The following ANO2 variants were observed in gnomAD, a reference collection of about 807,000 sequenced individuals.
ANO2 encodes the protein anoctamin-2.
A neutral mutation model predicts 124.2 loss-of-function variants in ANO2; 101 were observed. The ratio of observed to expected loss-of-function variants is 0.81; its 90% CI spans 0.69 to 0.96. The LOEUF (loss-of-function observed/expected upper bound fraction) is 0.96, where lower values mean the gene tolerates loss of function less well. Ranked by LOEUF, ANO2 falls within the 40% of genes least tolerant of loss-of-function variation. The pLI, the probability that ANO2 is intolerant of heterozygous loss-of-function variation, is 0.00. For synonymous variants in ANO2, 486 were observed against 482.5 expected (o/e 1.01, Z -0.09); for missense variants, 1,293 against 1,274.5 (o/e 1.01, Z -0.22).
rs1555182918 is a variant in ANO2 at position 5,914,206 on chromosome 12, G to GGA, written c.534+6833_534+6834insTC. Among the ~76,000 whole-genome samples the GGA allele has an allele frequency of 3.1e-4, 46 of 150,654 alleles. No homozygotes were observed. In the South Asian group the frequency reaches 9.2e-3, roughly 30 times the overall value. ...CAGAGTGAGACTCCATCTCAAAAAA[G>GGA]AAAAAAAGAAAAAAGAAAGTGAGGC... On this transcript the variant is annotated intron_variant, in intron 3 of 24. Transcript: ENST00000682330.
At chr12:5,860,160 A>G (rs571277818) in intron 3 of ANO2, among the ~76,000 whole-genome samples, 3 of 151,810 alleles carry the variant, frequency 2.0e-5, no homozygotes, top group Non-Finnish European at 4.4e-5. Flanking sequence ...CTATCCCTCC[A>G]TTGCAAAGCT....
intron 19 of ANO2, among the ~76,000 whole-genome samples, chr12:5,604,608 C>T (rs1944118134): frequency 1.3e-5 from 2 of 152,102 alleles, no homozygotes; most frequent in Non-Finnish European, 2.9e-5. Flanking sequence ...GACACAGGGG[C>T]TACGGGAGGG....
chr12:5,811,619 C>G (rs1953392664), intron 7 of ANO2, among the ~76,000 whole-genome samples: 1 of 152,176 alleles, frequency 6.6e-6, no homozygotes, highest in African/African-American at 2.4e-5. Context: ...TATGAAGGAG[C>G]AAGAAAGGTG....
intron 3 of ANO2, among the ~76,000 whole-genome samples, chr12:5,893,620 C>T (rs773973666): frequency 6.6e-5 from 10 of 151,856 alleles, no homozygotes; most frequent in Non-Finnish European, 1.0e-4. Flanking sequence ...AGGTATTTCG[C>T]CTAATGCTAT....
At chr12:5,752,272 T>A (rs1951462221) in intron 10 of ANO2, among the ~76,000 whole-genome samples, 1 of 152,210 alleles carries the variant, frequency 6.6e-6, no homozygotes, top group Non-Finnish European at 1.5e-5. Context: ...TAATTATATT[T>A]TAATTTTTTG....
chr12:5,825,248 C>A (rs886115486), intron 7 of ANO2, among the ~76,000 whole-genome samples: 4 of 152,182 alleles, frequency 2.6e-5, no homozygotes, highest in African/African-American at 9.7e-5. Context: ...GCTGGATTGA[C>A]AGAATGGTGG....
At chr12:5,692,755 G>C (rs1948997575) in intron 14 of ANO2, among the ~76,000 whole-genome samples, 1 of 152,192 alleles carries the variant, frequency 6.6e-6, no homozygotes, top group Non-Finnish European at 1.5e-5. Flanking sequence ...ATGGCACGAA[G>C]CTGTCCCCTG....
rs1430764713 is a variant in ANO2, at chr12:5,945,245, C to T, written c.-28G>A. 1 of 1,284,586 alleles carries T rather than the reference C, an allele frequency of 7.8e-7. No homozygotes were observed. Among genetic ancestry groups the T allele is most frequent in the Non-Finnish European group, 1.0e-6 (1 of 986,042 alleles). The allele number at this position is 1,284,586 out of a possible 1,614,324, so 79.6% of individuals were successfully genotyped here. The stretch of plus-strand genomic sequence containing the variant: ...TGTGGACGCAGACCCCGCCGGCCCG[C>T]GGCCGCGCGCTTCTGGGCAGGCTTA... On this transcript the variant is annotated 5_prime_UTR_variant, in exon 1 of 25. Coordinates refer to ENST00000682330, the MANE Select transcript of ANO2 (RefSeq NM_001364791.2).
intron 20 of ANO2, among the ~76,000 whole-genome samples, chr12:5,594,224 GC>G (rs1943549092): frequency 6.6e-6 from 1 of 152,162 alleles, no homozygotes; most frequent in South Asian, 2.1e-4. Flanking sequence ...AACCTGAATT[GC>G]TCAAGAGACT....
chr12:5,878,129 A>G (rs1420350406), intron 3 of ANO2, among the ~76,000 whole-genome samples: 1 of 152,250 alleles, frequency 6.6e-6, no homozygotes, highest in Non-Finnish European at 1.5e-5. Flanking sequence ...CCATTTTACT[A>G]CAATCACTAC....
At chr12:5,626,663 T>TAATG (rs1306999402) in intron 16 of ANO2, among the ~76,000 whole-genome samples, 5 of 152,140 alleles carry the variant, frequency 3.3e-5, no homozygotes, top group African/African-American at 7.2e-5. Context: ...GAAGCGACTC[T>TAATG]AATGAAGCCC....
rs572787228 is a variant in ANO2 at position 5,729,719 on chromosome 12, T to C, written c.1545+2801A>G. On this transcript the variant is annotated intron_variant, in intron 14 of 24. Coordinates refer to ENST00000682330, the MANE Select transcript of ANO2 (RefSeq NM_001364791.2). Reference sequence around the variant, plus strand: ...AAAAAAACTTGTACCCAAATGTCCATTGCAGCATTATTCCTAATAGCCCAA... The same window carrying C: ...AAAAAAACTTGTACCCAAATGTCCACTGCAGCATTATTCCTAATAGCCCAA... 4.0e-5 allele frequency among the ~76,000 whole-genome samples: 6 copies of C among 150,092 alleles called. No homozygotes were observed. The South Asian group carries it at 8.4e-4, about 21-fold the overall frequency.
intron 15 of ANO2, among the ~76,000 whole-genome samples, chr12:5,645,388 C>G (rs1946581429): frequency 1.3e-5 from 2 of 150,752 alleles, no homozygotes; most frequent in Admixed American, 1.3e-4. Flanking sequence ...GACTCCGTCT[C>G]AAGAAAAAAC....
At chr12:5,803,556 G>T (rs1226544876) in intron 9 of ANO2, among the ~76,000 whole-genome samples, 1 of 152,142 alleles carries the variant, frequency 6.6e-6, no homozygotes, top group Non-Finnish European at 1.5e-5. Context: ...GCCAGTGGGA[G>T]CCGGGCAGCC....
chr12:5,592,657 G>A (rs568956392), intron 20 of ANO2, among the ~76,000 whole-genome samples: 263 of 152,262 alleles, frequency 1.7e-3, no homozygotes, highest in African/African-American at 6.1e-3. Flanking sequence ...AAAGCAAGAA[G>A]GAAAGGTAGA....
intron 3 of ANO2, among the ~76,000 whole-genome samples, chr12:5,879,402 A>G (rs1044237395): frequency 1.3e-5 from 2 of 152,212 alleles, no homozygotes; most frequent in Non-Finnish European, 2.9e-5. Context: ...AGAAGAGGAA[A>G]AATAATCTTA....
intron 4 of ANO2, among the ~76,000 whole-genome samples, chr12:5,837,476 C>A (rs567057125): frequency 1.0e-5 from 1 of 100,470 alleles, no homozygotes; most frequent in African/African-American, 3.8e-5. Context: ...ATCCCTCCCC[C>A]CTCCCCCCAC....
intron 23 of ANO2, among the ~76,000 whole-genome samples, chr12:5,566,542 C>T (rs1332615327): frequency 6.6e-6 from 1 of 152,172 alleles, no homozygotes; most frequent in Non-Finnish European, 1.5e-5. Flanking sequence ...TGGAATTCAA[C>T]AAATCTTTGC....
intron 1 of ANO2, among the ~76,000 whole-genome samples, chr12:5,943,734 A>T (rs1459846280): frequency 6.6e-6 from 1 of 152,236 alleles, no homozygotes; most frequent in Admixed American, 6.5e-5. Flanking sequence ...CGTCCCTAGC[A>T]GCCAAATACC....
Sources: allele counts gnomAD v4.1 joint callset (sites outside exome capture counted in the v4.1 genomes callset), GRCh38; gene constraint gnomAD v4.1.1; transcripts MANE v1.5; gene names NCBI Gene and HGNC (gene_info 2026-07-23, HGNC 2026-07-21).